TMEM98: variants seen among roughly 807,000 people sequenced by gnomAD.
TMEM98 encodes transmembrane protein 98.
Under a neutral mutation model 25.0 loss-of-function variants are expected in TMEM98, and 18 were observed. That is an observed-to-expected ratio of 0.72 (90% CI 0.50 to 1.07). The LOEUF is 1.07. Among genes scored for constraint, TMEM98 ranks in the 50% least tolerant of loss-of-function variants. The pLI, the probability that TMEM98 is intolerant of heterozygous loss-of-function variation, is 0.00. For missense variants in TMEM98, 241 were observed against 289.0 expected (o/e 0.83, Z 1.20); for synonymous variants, 103 against 112.4 (o/e 0.92, Z 0.53).
intron 3 of TMEM98, 74 bp downstream of exon 3, chr17:32,931,733 G>A (rs1019953945): frequency 6.5e-7 from 1 of 1,528,756 alleles, no homozygotes; most frequent in African/African-American, 1.4e-5. Context: ...ACGTAGTTCA[G>A]TGTTGGGCAA....
chr17:32,938,135 C>G (rs1006522188), intron 6 of TMEM98, among the ~76,000 whole-genome samples: 1 of 152,178 alleles, frequency 6.6e-6, no homozygotes, highest in Non-Finnish European at 1.5e-5. Flanking sequence ...CAGGCCCATC[C>G]TAAAGAGTAC....
chr17:32,933,669 T>A, intron 4 of TMEM98, among the ~76,000 whole-genome samples: 1 of 152,172 alleles, frequency 6.6e-6, no homozygotes, highest in East Asian at 1.9e-4. Flanking sequence ...GCCCCTACAT[T>A]TTGAGAAGCG....
rs373976435 is a variant in TMEM98, at chr17:32,940,318, A to G, written c.474-468A>G. ...AGTTACATTTTTTTTTTTGAGTTGG[A>G]TAAACCAGCCCTGGGCCTTACCAAT... On this transcript the variant is annotated intron_variant, in intron 7 of 7. Coordinates refer to ENST00000579849, the MANE Select transcript of TMEM98 (RefSeq NM_015544.3). Among the ~76,000 whole-genome samples, 42 of 151,886 alleles carry G rather than the reference A, an allele frequency of 2.8e-4. 1 individual carries two copies. The highest frequency in any genetic ancestry group is 2.5e-3 in the East Asian group (13 of 5,178).
Position 32,942,962 on chromosome 17 carries a change from C to T in TMEM98, c.*1969C>T, listed in dbSNP as rs1318728005. ...CCTGCATTTTAACCTGCACTAGAGCCCTAAGCCACAGAGAAGCAGTTCTGA... is the reference window on the plus strand; with the variant it reads ...CCTGCATTTTAACCTGCACTAGAGCTCTAAGCCACAGAGAAGCAGTTCTGA... On this transcript the variant is annotated 3_prime_UTR_variant, in exon 8 of 8. Coordinates refer to ENST00000579849, the MANE Select transcript of TMEM98 (RefSeq NM_015544.3). The T allele has an allele frequency of 1.3e-5, 2 of 152,172 alleles. No homozygotes were observed. Among genetic ancestry groups the T allele is most frequent in the African/African-American group, 2.4e-5 (1 of 41,428 alleles). The allele number at this position is 152,172 out of a possible 1,614,324, so 9.4% of individuals were successfully genotyped here.
chr17:32,932,699 C>T (rs1394068336), intron 3 of TMEM98, among the ~76,000 whole-genome samples: 3 of 152,080 alleles, frequency 2.0e-5, no homozygotes, highest in Non-Finnish European at 2.9e-5. Context: ...TCCAGTGTAA[C>T]TAGGAAAAGG....
chr17:32,939,531 C>T lies in TMEM98; in HGVS notation c.468C>T (p.Asp156=), dbSNP rs150239100. Residue 156 remains aspartate (D), a synonymous_variant, in exon 7 of 8, where the codon GAC becomes GAT. Coordinates refer to ENST00000579849, the MANE Select transcript of TMEM98 (RefSeq NM_015544.3). The part of the protein sequence containing the change: ...MYPPLDPKLL[D]ARTTALLLSV... The stretch of plus-strand genomic sequence containing the variant: ...CTCCGTTGGACCCCAAACTCCTGGA[C>T]GCACGGTGAGACCAGGGGTGGGTGC... 2.0e-5 allele frequency: 32 copies of T among 1,614,118 alleles called. No individual in the cohort carries two copies. The highest frequency in any genetic ancestry group is 3.3e-5 in the Admixed American group (2 of 60,032).
rs748326867 is a variant in TMEM98, at chr17:32,933,314, A to G, written c.263+9A>G. 15 of 1,614,012 alleles carry G rather than the reference A, an allele frequency of 9.3e-6. No homozygotes were observed. Among genetic ancestry groups the G allele is most frequent in the Non-Finnish European group, 1.0e-5 (12 of 1,179,928 alleles). Reference sequence around the variant, plus strand: ...TGGATCGAAGATGCCTCGTAAGGCCATGGGAACTGTTTGCTTCCGGGCTTC... The same window carrying G: ...TGGATCGAAGATGCCTCGTAAGGCCGTGGGAACTGTTTGCTTCCGGGCTTC... On this transcript the variant is annotated intron_variant, in intron 4 of 7. Coordinates refer to ENST00000579849, the MANE Select transcript of TMEM98 (RefSeq NM_015544.3).
chr17:32,937,645 C>T (rs1332741414), intron 6 of TMEM98, among the ~76,000 whole-genome samples: 1 of 152,068 alleles, frequency 6.6e-6, no homozygotes, highest in Non-Finnish European at 1.5e-5. Context: ...GGCTGGAGTG[C>T]GGTGGTGCGA....
At chr17:32,940,400 C>T (rs1365318005) in intron 7 of TMEM98, among the ~76,000 whole-genome samples, 2 of 152,066 alleles carry the variant, frequency 1.3e-5, no homozygotes, top group East Asian at 1.9e-4. Context: ...TTTCAGTGGG[C>T]AGCGGTTGGG....
Position 32,941,026 on chromosome 17 carries a change from C to T in TMEM98, c.*33C>T. ...AGGCCAGCAGCTAGCCATGAAGGCC[C>T]CTGCCGCCATCCCTGGATGGCTCAG... On this transcript the variant is annotated 3_prime_UTR_variant, in exon 8 of 8. Transcript: ENST00000579849. The T allele has an allele frequency of 6.4e-7, 1 of 1,550,630 alleles. No individual in the cohort carries two copies. The highest frequency in any genetic ancestry group is 1.2e-5 in the South Asian group (1 of 85,340).
chr17:32,934,052 G>T (rs77331847), intron 4 of TMEM98, among the ~76,000 whole-genome samples: 66 of 152,172 alleles, frequency 4.3e-4, no homozygotes, highest in Admixed American at 2.1e-3. Flanking sequence ...AGCATGACTC[G>T]CTAGGCACAC....
At position 32,940,801 on chromosome 17, in the gene TMEM98, C is replaced by T. The variant is rs149373911; in HGVS notation, c.489C>T (p.Leu163=). 1.1e-5 allele frequency: 17 copies of T among 1,613,930 alleles called. No homozygotes were observed. The highest frequency in any genetic ancestry group is 5.3e-5 in the African/African-American group (4 of 74,922). ...TTTTCCCTAGGACGACTGCCCTGCT[C>T]CTGTCTGTCAGTCACCTGGTGCTGG... ...KLLDARTTAL[L]LSVSHLVLVT... The change falls in exon 8 of 8, where the codon CTC becomes CTT. Residue 163 remains leucine (L), a synonymous_variant. Transcript: ENST00000579849.
Position 32,940,822 on chromosome 17 carries a change from G to A in TMEM98, c.510G>A (p.Val170=), listed in dbSNP as rs779233441. The change falls in exon 8 of 8, where the codon GTG becomes GTA. Residue 170 remains valine, a synonymous_variant. Transcript: ENST00000579849. ...TALLLSVSHL[V]LVTRNACHLT... ...TGCTCCTGTCTGTCAGTCACCTGGT[G>A]CTGGTGACAAGGAATGCCTGCCATC... is the stretch of plus-strand genomic sequence containing the variant. 6.2e-7 allele frequency: 1 copy of A among 1,614,034 alleles called. No individual in the cohort carries two copies. Among genetic ancestry groups the A allele is most frequent in the African/African-American group, 1.3e-5 (1 of 74,900 alleles).
At chr17:32,930,419 CTTTCA>C (rs1288817778) in intron 1 of TMEM98, among the ~76,000 whole-genome samples, 23 of 152,310 alleles carry the variant, frequency 1.5e-4, no homozygotes, top group African/African-American at 5.3e-4. Flanking sequence ...GCACGGACTT[CTTTCA>C]TTCTTCTTTT....
Position 32,931,421 on chromosome 17 carries a change from ACT to A in TMEM98, c.-55+24_-55+25del. ...CCAGCAGGTAAGACCCACCTGTCCC[ACT>A]CTCTTTCGTGGCTTCTTGACCAGAT... On this transcript the variant is annotated intron_variant, in intron 2 of 7. Coordinates refer to ENST00000579849, the MANE Select transcript of TMEM98 (RefSeq NM_015544.3). 1 of 1,465,638 alleles carries A rather than the reference ACT, an allele frequency of 6.8e-7. No homozygotes were observed. The highest frequency in any genetic ancestry group is 1.4e-5 in the African/African-American group (1 of 71,328). The allele number at this position is 1,465,638 out of a possible 1,614,324, so 90.8% of individuals were successfully genotyped here. A position where few individuals can be genotyped will look rare whatever the true frequency, so the allele number is the denominator to read the frequency against.
intron 6 of TMEM98, among the ~76,000 whole-genome samples, chr17:32,936,948 A>C (rs932515657): frequency 1.3e-5 from 2 of 152,268 alleles, no homozygotes; most frequent in Admixed American, 1.3e-4. Flanking sequence ...GCCATATGGC[A>C]TTCAACCTCC....
Position 32,943,107 on chromosome 17 carries a change from A to T in TMEM98, c.*2114A>T, listed in dbSNP as rs991705559. ...TCTGAGTCCTGGCAAGTCCTGGCACATTGGCTTTCTGGATCCCTTAGATGC... is the reference window on the plus strand; with the variant it reads ...TCTGAGTCCTGGCAAGTCCTGGCACTTTGGCTTTCTGGATCCCTTAGATGC... On this transcript the variant is annotated 3_prime_UTR_variant, in exon 8 of 8. Transcript: ENST00000579849. The T allele has an allele frequency of 6.6e-6, 1 of 152,340 alleles. No homozygotes were observed. 9.4% of individuals were successfully genotyped at this position (152,340 alleles called of 1,614,324 possible). A position where few individuals can be genotyped will look rare whatever the true frequency, so the allele number is the denominator to read the frequency against.
chr17:32,933,975 C>T (rs2091482855), intron 4 of TMEM98, among the ~76,000 whole-genome samples: 1 of 152,144 alleles, frequency 6.6e-6, no homozygotes, highest in Non-Finnish European at 1.5e-5. Flanking sequence ...GTTCCCCAGT[C>T]TGAGCAAAGG....
rs2091534343 is a variant in TMEM98 at position 32,942,142 on chromosome 17, G to T, written c.*1149G>T. 6.6e-6 allele frequency: 1 copy of T among 152,188 alleles called. No individual in the cohort carries two copies. The highest frequency in any genetic ancestry group is 2.1e-4 in the South Asian group (1 of 4,826). 9.4% of individuals were successfully genotyped at this position (152,188 alleles called of 1,614,324 possible). On this transcript the variant is annotated 3_prime_UTR_variant, in exon 8 of 8. Transcript: ENST00000579849. ...TAGTTTCCACATTAACAATAGCAAT[G>T]ACTTGAACGATGTGTTCCCCCTTTC...
Sources: allele counts gnomAD v4.1 joint callset (sites outside exome capture counted in the v4.1 genomes callset), GRCh38; gene constraint gnomAD v4.1.1; transcripts MANE v1.5; gene names NCBI Gene and HGNC (gene_info 2026-07-23, HGNC 2026-07-21).